The following RAPGEF6 variants were observed in gnomAD, a reference collection of about 807,000 sequenced individuals.
RAPGEF6 encodes PDZ domain containing guanine nucleotide exchange factor (GEF) 2.
In RAPGEF6, 56 loss-of-function variants were observed where a neutral mutation model predicts 171.4. The observed-to-expected ratio is 0.33, with a 90% CI of 0.26 to 0.41. The LOEUF (loss-of-function observed/expected upper bound fraction) is 0.41, where lower values mean the gene tolerates loss of function less well. Among genes scored for constraint, RAPGEF6 ranks in the 10% least tolerant of loss-of-function variants. The probability of loss-of-function intolerance (pLI) is 1.00; values close to 1 mark genes in which losing one functional copy is unlikely to be tolerated. For synonymous variants in RAPGEF6, 692 were observed against 650.1 expected, an observed-to-expected ratio of 1.06 and a Z score of -0.98; for missense variants, 1,674 against 1,921.4, an observed-to-expected ratio of 0.87 and a Z score of 2.41.
intron 1 of RAPGEF6, among the ~76,000 whole-genome samples, chr5:131,615,967 A>G (rs1765238834): frequency 6.6e-6 from 1 of 152,172 alleles, no homozygotes; most frequent in Admixed American, 6.5e-5. Flanking sequence ...ATATCCTGAC[A>G]TCCCAGATCA....
intron 5 of RAPGEF6, among the ~76,000 whole-genome samples, chr5:131,555,748 G>A (rs963428633): frequency 2.3e-5 from 2 of 86,882 alleles, no homozygotes; most frequent in African/African-American, 9.8e-5. Context: ...TTATGTATAT[G>A]TGTTATGTTA....
chr5:131,535,680 T>C (rs543284391), intron 6 of RAPGEF6, among the ~76,000 whole-genome samples: 1 of 152,292 alleles, frequency 6.6e-6, no homozygotes, highest in South Asian at 2.1e-4. Context: ...CATGACAAAA[T>C]ACTTTTATAA....
intron 4 of RAPGEF6, among the ~76,000 whole-genome samples, chr5:131,574,402 T>C (rs550154715): frequency 2.0e-5 from 3 of 152,222 alleles, no homozygotes; most frequent in East Asian, 1.9e-4. Context: ...GGGTAACTCT[T>C]ACAGTGGAGG....
chr5:131,537,454 C>G (rs556884877), intron 6 of RAPGEF6, among the ~76,000 whole-genome samples: 1 of 152,118 alleles, frequency 6.6e-6, no homozygotes, highest in African/African-American at 2.4e-5. Context: ...ATACCTTTAA[C>G]CCAGTAATTT....
In RAPGEF6 at chr5:131,426,526, T is replaced by G. The variant is rs1396078191; in HGVS notation, c.*740A>C. The G allele has an allele frequency of 2.0e-5, 3 of 152,302 alleles. No homozygotes were observed. The highest frequency in any genetic ancestry group is 7.2e-5 in the African/African-American group (3 of 41,432). 9.4% of individuals were successfully genotyped at this position (152,302 alleles called of 1,614,324 possible). A position where few individuals can be genotyped will look rare whatever the true frequency, so the allele number is the denominator to read the frequency against. ...GTTCCCACCCTCCTCCCCAAACTAC[T>G]CCCTCCCATTTCCCAAAGGACTGAC... is the stretch of plus-strand genomic sequence containing the variant. On this transcript the variant is annotated 3_prime_UTR_variant, in exon 28 of 28. Coordinates refer to ENST00000509018, the MANE Select transcript of RAPGEF6 (RefSeq NM_016340.6).
intron 18 of RAPGEF6, among the ~76,000 whole-genome samples, chr5:131,463,127 T>C (rs1281957464): frequency 2.6e-5 from 4 of 152,174 alleles, no homozygotes; most frequent in African/African-American, 9.7e-5. Flanking sequence ...GGGATTTGAA[T>C]GTGGGCAATC....
chr5:131,592,630 GACC>G (rs1333333765), intron 3 of RAPGEF6, among the ~76,000 whole-genome samples, 164 bp from the exon 4 acceptor site: 3 of 152,148 alleles, frequency 2.0e-5, no homozygotes, highest in East Asian at 3.8e-4. Flanking sequence ...GTTTTATACA[GACC>G]ACGTTTATGT....
In RAPGEF6 at chr5:131,437,361, AC is replaced by A. The variant is rs3836733; in HGVS notation, c.3745+2219del. Among the ~76,000 whole-genome samples, 104 of 152,300 alleles carry A rather than the reference AC, an allele frequency of 6.8e-4. 3 individuals are homozygous for A. In the East Asian group the frequency reaches 0.019, roughly 27 times the overall value. On this transcript the variant is annotated intron_variant, in intron 24 of 27. Transcript: ENST00000509018. ...CAATGGAGGAATTCCTGTTTCTAATACCACTTTCCAGAAGTCACATTCAGGC... is the reference window on the plus strand; with the variant it reads ...CAATGGAGGAATTCCTGTTTCTAATACACTTTCCAGAAGTCACATTCAGGC...
At chr5:131,564,236 GGA>G (rs2149970558) in intron 4 of RAPGEF6, among the ~76,000 whole-genome samples, 1 of 152,256 alleles carries the variant, frequency 6.6e-6, no homozygotes, top group African/African-American at 2.4e-5. Context: ...AGAGATACGG[GGA>G]GAGAGAGAAC....
intron 1 of RAPGEF6, among the ~76,000 whole-genome samples, chr5:131,605,542 T>TA (rs1764505790): frequency 6.6e-6 from 1 of 152,202 alleles, no homozygotes; most frequent in African/African-American, 2.4e-5. Context: ...AAATTCGCTA[T>TA]AAAAAACATA....
chr5:131,628,112 A>G (rs993317399), intron 1 of RAPGEF6, among the ~76,000 whole-genome samples: 1 of 152,204 alleles, frequency 6.6e-6, no homozygotes, highest in African/African-American at 2.4e-5. Flanking sequence ...TTCAAGTGAA[A>G]AGAGTCACCT....
intron 23 of RAPGEF6, chr5:131,440,113 G>A: frequency 2.4e-6 from 1 of 416,906 alleles, no homozygotes; most frequent in South Asian, 1.7e-5. Flanking sequence ...GCATGTGGCA[G>A]GGGCAGTGTG....
intron 17 of RAPGEF6, among the ~76,000 whole-genome samples, chr5:131,470,006 T>C (rs913744635): frequency 1.4e-4 from 22 of 152,190 alleles, no homozygotes; most frequent in East Asian, 1.9e-4. Context: ...TATACATATG[T>C]GATGTACATG....
intron 7 of RAPGEF6, among the ~76,000 whole-genome samples, chr5:131,517,037 A>C (rs1032559461): frequency 6.6e-6 from 1 of 152,192 alleles, no homozygotes; most frequent in Non-Finnish European, 1.5e-5. Flanking sequence ...CAAATCCCGC[A>C]TGTTCTTACT....
rs1038582950 is a variant in RAPGEF6 at position 131,431,028 on chromosome 5, A to G, written c.4296T>C (p.Ser1432=). ...GQCKGSLERK[S]WTSSSSLSDT... ...CAGACAGAGAACTGGAGGAGGTCCA[A>G]CTCTTTCTCTCTAGGCTTCCTTTAC... The change falls in exon 26 of 28, where the codon AGT becomes AGC. Residue 1432 remains serine (S), a synonymous_variant. Coordinates refer to ENST00000509018, the MANE Select transcript of RAPGEF6 (RefSeq NM_016340.6). 2 of 1,613,904 alleles carry G rather than the reference A, an allele frequency of 1.2e-6. No individual in the cohort carries two copies. The highest frequency in any genetic ancestry group is 1.7e-6 in the Non-Finnish European group (2 of 1,180,004).
In RAPGEF6 at chr5:131,495,633, T is replaced by G. The variant is rs1173395460; in HGVS notation, c.1447A>C (p.Asn483His). The G allele has an allele frequency of 6.2e-7, 1 of 1,613,602 alleles. No homozygotes were observed. Residue 483 changes from asparagine to histidine, a missense_variant, in exon 13 of 28, where the codon AAT becomes CAT. Transcript: ENST00000509018. ...KVTRIVLLWV[N>H]NHFNDFEGDP... is the part of the protein sequence containing the mutation. Reference sequence around the variant, plus strand: ...CCTTCAAAATCATTAAAATGATTATTTACCCATAATAATACAATCCGTGTC... The same window carrying G: ...CCTTCAAAATCATTAAAATGATTATGTACCCATAATAATACAATCCGTGTC...
Position 131,613,269 on chromosome 5 carries a change from G to A in RAPGEF6, c.70-8576C>T, listed in dbSNP as rs555067288. Among the ~76,000 whole-genome samples, 98 of 152,256 alleles carry A rather than the reference G, an allele frequency of 6.4e-4. 1 individual carries two copies. The highest frequency in any genetic ancestry group is 3.3e-4 in the Admixed American group (5 of 15,300). ...ACTAAACATACAAAGAATTAGCCGGGCATGGTGGCGGGCGCCTACAGTCCC... is the reference window on the plus strand; with the variant it reads ...ACTAAACATACAAAGAATTAGCCGGACATGGTGGCGGGCGCCTACAGTCCC... On this transcript the variant is annotated intron_variant, in intron 1 of 27. Coordinates refer to ENST00000509018, the MANE Select transcript of RAPGEF6 (RefSeq NM_016340.6).
chr5:131,571,999 T>G (rs1046147612), intron 4 of RAPGEF6, among the ~76,000 whole-genome samples: 1 of 152,102 alleles, frequency 6.6e-6, no homozygotes, highest in Non-Finnish European at 1.5e-5. Context: ...AAAAAATTGC[T>G]CCTAACACCA....
chr5:131,494,783 TA>T (rs1309642587), intron 13 of RAPGEF6, among the ~76,000 whole-genome samples: 1 of 152,182 alleles, frequency 6.6e-6, no homozygotes, highest in African/African-American at 2.4e-5. Flanking sequence ...TCAGATATAT[TA>T]AGTCCTAAAC....
Sources: gnomAD v4.1 joint callset for allele counts (sites outside exome capture counted in the v4.1 genomes callset) on GRCh38, gnomAD v4.1.1 for gene constraint, MANE v1.5 for transcripts, NCBI Gene and HGNC (gene_info 2026-07-23, HGNC 2026-07-21) for gene names.